Variants in JAKMIP1 observed in about 807,000 individuals in gnomAD.
JAKMIP1 encodes janus kinase and microtubule interacting protein 1.
In JAKMIP1, 33 loss-of-function variants were observed where a neutral mutation model predicts 113.0. The observed-to-expected ratio is 0.29, with a 90% CI of 0.22 to 0.39. JAKMIP1 has a LOEUF of 0.39. Ranked by LOEUF, JAKMIP1 falls within the 10% of genes least tolerant of loss-of-function variation. JAKMIP1 has a pLI of 1.00. For synonymous variants in JAKMIP1, 480 were observed against 459.9 expected (o/e 1.04, Z -0.56); for missense variants, 813 against 1,080.5 (o/e 0.75, Z 3.47).
intron 8 of JAKMIP1, among the ~76,000 whole-genome samples, chr4:6,068,469 G>A (rs1322840250): frequency 2.6e-5 from 4 of 152,030 alleles, no homozygotes; most frequent in Non-Finnish European, 5.9e-5. Flanking sequence ...AGCCAGGCAC[G>A]GCACACACAG....
chr4:6,183,780 C>T lies in JAKMIP1; in HGVS notation c.-148+16473G>A, dbSNP rs1216582911. On this transcript the variant is annotated intron_variant, in intron 1 of 20. Transcript: ENST00000409021. The surrounding 1 kb of genome is among the most constrained non-coding windows in gnomAD (Gnocchi z 5.3). Reference sequence around the variant, plus strand: ...GGACCTGGGCTGCCAGGTGAACACTCAGCTTTGTGCAGGGCTTGGGGGACA... The same window carrying T: ...GGACCTGGGCTGCCAGGTGAACACTTAGCTTTGTGCAGGGCTTGGGGGACA... 6.6e-6 allele frequency among the ~76,000 whole-genome samples: 1 copy of T among 152,306 alleles called. No homozygotes were observed. Among genetic ancestry groups the T allele is most frequent in the African/African-American group, 2.4e-5 (1 of 41,560 alleles).
rs147441255 is a variant in JAKMIP1, at chr4:6,161,644, C to T, written c.-148+38609G>A. On this transcript the variant is annotated intron_variant, in intron 1 of 20. Transcript: ENST00000409021. Reference sequence around the variant, plus strand: ...GGAACCCACAGAGGGTCTGGGTCTCCGAGCCTTGGACTCAGGAAGTCCACC... The same window carrying T: ...GGAACCCACAGAGGGTCTGGGTCTCTGAGCCTTGGACTCAGGAAGTCCACC... Among the ~76,000 whole-genome samples, 13 of 152,164 alleles carry T rather than the reference C, an allele frequency of 8.5e-5. No individual in the cohort carries two copies. In the East Asian group the frequency reaches 1.6e-3, roughly 18 times the overall value.
rs572378403 is a variant in JAKMIP1 at position 6,030,447 on chromosome 4, C to T, written c.2380-666G>A. On this transcript the variant is annotated intron_variant, in intron 19 of 20. Coordinates refer to ENST00000409021, the MANE Select transcript of JAKMIP1 (RefSeq NM_001099433.2). The stretch of plus-strand genomic sequence containing the variant: ...GACTCTTAGTTACCCTCCTTGGCAC[C>T]GCACCTGCAGAATTAATTCCCTGGG... Among the ~76,000 whole-genome samples the T allele has an allele frequency of 7.9e-5, 12 of 152,278 alleles. No individual in the cohort carries two copies. The East Asian group carries it at 1.5e-3, about 20-fold the overall frequency.
rs1054981951 is a variant in JAKMIP1 at position 6,064,617 on chromosome 4, C to T, written c.1431+263G>A. Reference sequence around the variant, plus strand: ...AATGACTCAGCTTGAACTTGGCAGCCACAGATTTCCTTGGTGGGGAAATCA... The same window carrying T: ...AATGACTCAGCTTGAACTTGGCAGCTACAGATTTCCTTGGTGGGGAAATCA... On this transcript the variant is annotated intron_variant, in intron 9 of 20. Coordinates refer to ENST00000409021, the MANE Select transcript of JAKMIP1 (RefSeq NM_001099433.2). This position sits in a 1 kb window ranked among gnomAD's most constrained non-coding sequence, Gnocchi z 4.3. Among the ~76,000 whole-genome samples the T allele has an allele frequency of 1.3e-5, 2 of 152,032 alleles. No individual in the cohort carries two copies. Among genetic ancestry groups the T allele is most frequent in the Non-Finnish European group, 2.9e-5 (2 of 68,006 alleles).
At chr4:6,095,098 G>A (rs1403071698) in intron 3 of JAKMIP1, among the ~76,000 whole-genome samples, 1 of 147,216 alleles carries the variant, frequency 6.8e-6, no homozygotes, top group East Asian at 2.0e-4. Flanking sequence ...GAGGGAGGAA[G>A]GGGAGAGAGA....
chr4:6,198,138 A>T (rs1728043518), intron 1 of JAKMIP1, among the ~76,000 whole-genome samples: 1 of 152,248 alleles, frequency 6.6e-6, no homozygotes. Context: ...CTGCTTAAGG[A>T]AAAACTACAC....
intron 19 of JAKMIP1, among the ~76,000 whole-genome samples, chr4:6,032,197 G>A (rs1424536221): frequency 6.6e-6 from 1 of 152,204 alleles, no homozygotes; most frequent in Non-Finnish European, 1.5e-5. Context: ...GGGATCTGCA[G>A]GACAATGCTT....
chr4:6,107,938 T>C (rs1223414443), intron 2 of JAKMIP1, among the ~76,000 whole-genome samples: 1 of 152,078 alleles, frequency 6.6e-6, no homozygotes, highest in Non-Finnish European at 1.5e-5. Context: ...TCTGTTGTTA[T>C]CGTGGTTCTG....
intron 11 of JAKMIP1, among the ~76,000 whole-genome samples, chr4:6,058,657 G>A (rs1043845146): frequency 6.6e-6 from 1 of 152,238 alleles, no homozygotes; most frequent in Admixed American, 6.5e-5. Context: ...CAATGCATAA[G>A]GAATAAATAT....
chr4:6,042,061 C>G lies in JAKMIP1; in HGVS notation c.2097+98G>C, dbSNP rs188615900. ...CAAAAGCAAAATTGAGAAATGCATG[C>G]AAATCATTAGGAAAACACATGCAAA... On this transcript the variant is annotated intron_variant, in intron 17 of 20. Coordinates refer to ENST00000409021, the MANE Select transcript of JAKMIP1 (RefSeq NM_001099433.2). This position sits in a 1 kb window ranked among gnomAD's most constrained non-coding sequence, Gnocchi z 5.2. 1.0e-6 allele frequency: 1 copy of G among 986,776 alleles called. No homozygotes were observed. Among genetic ancestry groups the G allele is most frequent in the African/African-American group, 1.6e-5 (1 of 62,016 alleles). 61.1% of individuals were successfully genotyped at this position (986,776 alleles called of 1,614,324 possible).
In JAKMIP1 at chr4:6,106,347, A is replaced by G. The variant is rs1713946897; in HGVS notation, c.130-380T>C. On this transcript the variant is annotated intron_variant, in intron 2 of 20. Transcript: ENST00000409021. This position sits in a 1 kb window ranked among gnomAD's most constrained non-coding sequence, Gnocchi z 5.9. ...ACCAGAAATATATTTCCAGGGCCCC[A>G]TGCGCGGACTGTGGAGTTGGAAAAG... Among the ~76,000 whole-genome samples the G allele has an allele frequency of 6.6e-6, 1 of 152,202 alleles. No homozygotes were observed. Among genetic ancestry groups the G allele is most frequent in the Non-Finnish European group, 1.5e-5 (1 of 68,040 alleles).
rs374261351 is a variant in JAKMIP1 at position 6,175,564 on chromosome 4, ATCT to A, written c.-148+24686_-148+24688del. On this transcript the variant is annotated intron_variant, in intron 1 of 20. Transcript: ENST00000409021. ...GCATCTCGCTCATGACTCATCACTG[ATCT>A]TCTCTGCACAGGAGATAAAAATGGT... Among the ~76,000 whole-genome samples, 850 of 152,328 alleles carry A rather than the reference ATCT, an allele frequency of 5.6e-3. 4 individuals carry two copies. The highest frequency in any genetic ancestry group is 0.019 in the African/African-American group (802 of 41,580).
intron 1 of JAKMIP1, among the ~76,000 whole-genome samples, chr4:6,166,929 TCCA>T (rs1723710382): frequency 6.6e-6 from 1 of 151,922 alleles, no homozygotes; most frequent in South Asian, 2.1e-4. Flanking sequence ...CTTCCCCTCC[TCCA>T]CCCTGGGACA....
In JAKMIP1 at chr4:6,112,866, A is replaced by G; in HGVS notation, c.-16T>C. 1 of 1,612,306 alleles carries G rather than the reference A, an allele frequency of 6.2e-7. No homozygotes were observed. On this transcript the variant is annotated 5_prime_UTR_variant, in exon 2 of 21. Transcript: ENST00000409021. ...TCTTCGACATGCTTCCCCTTGGGTCAGAGTGCTGAGATCCTGCGGTCCACA... is the reference window on the plus strand; with the variant it reads ...TCTTCGACATGCTTCCCCTTGGGTCGGAGTGCTGAGATCCTGCGGTCCACA...
Position 6,044,009 on chromosome 4 carries a change from T to C in JAKMIP1, c.2029-1782A>G, listed in dbSNP as rs1406158992. ...CCTTTCCATGTGCTGTCCCTACCTCTCCTGGCCCCAGCCTCAGCCCCAGGC... is the reference window on the plus strand; with the variant it reads ...CCTTTCCATGTGCTGTCCCTACCTCCCCTGGCCCCAGCCTCAGCCCCAGGC... On this transcript the variant is annotated intron_variant, in intron 16 of 20. Coordinates refer to ENST00000409021, the MANE Select transcript of JAKMIP1 (RefSeq NM_001099433.2). The surrounding 1 kb of genome is among the most constrained non-coding windows in gnomAD (Gnocchi z 4.4). Among the ~76,000 whole-genome samples, 1 of 151,850 alleles carries C rather than the reference T, an allele frequency of 6.6e-6. No homozygotes were observed. The highest frequency in any genetic ancestry group is 1.5e-5 in the Non-Finnish European group (1 of 67,964).
chr4:6,098,316 C>A (rs2108856713), intron 3 of JAKMIP1, among the ~76,000 whole-genome samples: 1 of 152,108 alleles, frequency 6.6e-6, no homozygotes, highest in South Asian at 2.1e-4. Flanking sequence ...GCCTGTAATC[C>A]CAGCTACCCG....
Position 6,105,554 on chromosome 4 carries a change from G to A in JAKMIP1, c.543C>T (p.Ala181=). Residue 181 remains alanine (A), a synonymous_variant, in exon 3 of 21, where the codon GCC becomes GCT. Coordinates refer to ENST00000409021, the MANE Select transcript of JAKMIP1 (RefSeq NM_001099433.2). ...GCGCCTGGTAGGCGGCACGCAGGTCGGCTGCCTTGGTCTTGTCAGCCTGCA... is the reference window on the plus strand; with the variant it reads ...GCGCCTGGTAGGCGGCACGCAGGTCAGCTGCCTTGGTCTTGTCAGCCTGCA... ...NCMQADKTKA[A]DLRAAYQAHQ... is the part of the protein sequence containing the mutation. 6.2e-7 allele frequency: 1 copy of A among 1,603,622 alleles called. No individual in the cohort carries two copies. The highest frequency in any genetic ancestry group is 1.7e-4 in the Middle Eastern group (1 of 5,972).
chr4:6,106,490 T>G lies in JAKMIP1; in HGVS notation c.130-523A>C, dbSNP rs1451133388. 6.6e-6 allele frequency among the ~76,000 whole-genome samples: 1 copy of G among 152,000 alleles called. No homozygotes were observed. Among genetic ancestry groups the G allele is most frequent in the East Asian group, 1.9e-4 (1 of 5,172 alleles). On this transcript the variant is annotated intron_variant, in intron 2 of 20. Transcript: ENST00000409021. The surrounding 1 kb of genome is among the most constrained non-coding windows in gnomAD (Gnocchi z 5.9). Reference sequence around the variant, plus strand: ...TCACCCACATTGCCACATGAACCCCTCACGGTCTTGGGAAGGAAGTAGCGT... The same window carrying G: ...TCACCCACATTGCCACATGAACCCCGCACGGTCTTGGGAAGGAAGTAGCGT...
At position 6,040,119 on chromosome 4, in the gene JAKMIP1, C is replaced by T. The variant is rs1714125119; in HGVS notation, c.2175+520G>A. 6.6e-6 allele frequency among the ~76,000 whole-genome samples: 1 copy of T among 152,216 alleles called. No individual in the cohort carries two copies. The highest frequency in any genetic ancestry group is 1.5e-5 in the Non-Finnish European group (1 of 68,050). On this transcript the variant is annotated intron_variant, in intron 18 of 20. Transcript: ENST00000409021. The surrounding 1 kb of genome is among the most constrained non-coding windows in gnomAD (Gnocchi z 5.8). The stretch of plus-strand genomic sequence containing the variant: ...GCACTTAGCTTTGAGTGTGAGGACA[C>T]AGGAGTTTGAACATCATCCCACTGT...
Sources: allele counts gnomAD v4.1 joint callset (sites outside exome capture counted in the v4.1 genomes callset), GRCh38; gene constraint gnomAD v4.1.1; non-coding constraint Gnocchi (gnomAD v3.1); transcripts MANE v1.5; gene names NCBI Gene and HGNC (gene_info 2026-07-23, HGNC 2026-07-21).